Variants in GFOD1 observed in about 807,000 individuals in gnomAD.
GFOD1 encodes the protein glucose-fructose oxidoreductase domain-containing protein 1.
In GFOD1, 9 loss-of-function variants were observed where a neutral mutation model predicts 25.4. The ratio of observed to expected loss-of-function variants is 0.35; its 90% CI spans 0.21 to 0.62. The LOEUF (loss-of-function observed/expected upper bound fraction) is 0.62. Among genes scored for constraint, GFOD1 ranks in the 20% least tolerant of loss-of-function variants. GFOD1 has a pLI of 0.72. For missense variants in GFOD1, 403 were observed against 556.9 expected (o/e 0.72, Z 2.78); for synonymous variants, 253 against 245.6 (o/e 1.03, Z -0.28).
intron 1 of GFOD1, among the ~76,000 whole-genome samples, chr6:13,408,886 T>C (rs1242543850): frequency 6.6e-6 from 1 of 151,688 alleles, no homozygotes; most frequent in Non-Finnish European, 1.5e-5. Flanking sequence ...AGGAGTTTGA[T>C]ACCAGCCTGG....
chr6:13,419,490 A>G (rs1252958250), intron 1 of GFOD1, among the ~76,000 whole-genome samples: 1 of 151,842 alleles, frequency 6.6e-6, no homozygotes, highest in Non-Finnish European at 1.5e-5. Context: ...CCTTGCTTCT[A>G]TCCCTGCCGA....
chr6:13,452,351 AACC>A lies in GFOD1; in HGVS notation c.253+34284_253+34286del, dbSNP rs371170408. 2.1e-3 allele frequency among the ~76,000 whole-genome samples: 323 copies of A among 152,314 alleles called. 2 individuals carry two copies. Among genetic ancestry groups the A allele is most frequent in the African/African-American group, 6.5e-3 (271 of 41,566 alleles). ...GTAAGAAAACATGCCAGTTCTTAGGAACCACACACTTGAAGTATTTCAGACTAA... is the reference window on the plus strand; with the variant it reads ...GTAAGAAAACATGCCAGTTCTTAGGAACACACTTGAAGTATTTCAGACTAA... On this transcript the variant is annotated intron_variant, in intron 1 of 1. Transcript: ENST00000379287.
intron 1 of GFOD1, among the ~76,000 whole-genome samples, chr6:13,398,480 T>C (rs966996860): frequency 6.6e-6 from 1 of 152,250 alleles, no homozygotes; most frequent in Non-Finnish European, 1.5e-5. Flanking sequence ...TTTCACAGTA[T>C]GTAAATTTAC....
At chr6:13,391,764 C>T (rs941819254) in intron 1 of GFOD1, among the ~76,000 whole-genome samples, 1 of 152,296 alleles carries the variant, frequency 6.6e-6, no homozygotes, top group East Asian at 1.9e-4. Flanking sequence ...ATTTCCTCAT[C>T]TGTTAAATGG....
chr6:13,484,284 C>T (rs1259794039), intron 1 of GFOD1, among the ~76,000 whole-genome samples: 3 of 152,128 alleles, frequency 2.0e-5, no homozygotes, highest in South Asian at 2.1e-4. Context: ...GCTAAAAGGA[C>T]AATTTACCAG....
intron 1 of GFOD1, among the ~76,000 whole-genome samples, chr6:13,383,567 T>C (rs1393630038): frequency 2.6e-5 from 4 of 152,374 alleles, no homozygotes; most frequent in Non-Finnish European, 4.4e-5. Flanking sequence ...GAGTTCTATC[T>C]GATTCCAAGT....
At chr6:13,457,477 G>A (rs1025486209) in intron 1 of GFOD1, among the ~76,000 whole-genome samples, 8 of 152,190 alleles carry the variant, frequency 5.3e-5, no homozygotes, top group Non-Finnish European at 2.9e-5. Context: ...GGGTCCTCCT[G>A]AAGTGGTCCT....
At position 13,467,949 on chromosome 6, in the gene GFOD1, T is replaced by C. The variant is rs770221735; in HGVS notation, c.253+18689A>G. Among the ~76,000 whole-genome samples, 6 of 152,166 alleles carry C rather than the reference T, an allele frequency of 3.9e-5. No individual in the cohort carries two copies. The East Asian group carries it at 9.6e-4, about 24-fold the overall frequency. On this transcript the variant is annotated intron_variant, in intron 1 of 1. Coordinates refer to ENST00000379287, the MANE Select transcript of GFOD1 (RefSeq NM_018988.4). Reference sequence around the variant, plus strand: ...TCATTTTTGCCCTGTGAAAAACAAGTACCTGCAGCTGGGAACAGCCAGTCC... The same window carrying C: ...TCATTTTTGCCCTGTGAAAAACAAGCACCTGCAGCTGGGAACAGCCAGTCC...
At chr6:13,458,962 G>C (rs12190770) in intron 1 of GFOD1, among the ~76,000 whole-genome samples, 2 of 152,224 alleles carry the variant, frequency 1.3e-5, no homozygotes, top group African/African-American at 4.8e-5. Flanking sequence ...AGGATCCAGA[G>C]ATTTTGTCCT....
At chr6:13,403,821 A>G (rs913139218) in intron 1 of GFOD1, among the ~76,000 whole-genome samples, 3 of 152,236 alleles carry the variant, frequency 2.0e-5, no homozygotes, top group African/African-American at 7.2e-5. Context: ...AGAAAAGGCA[A>G]ATCTATAGAA....
chr6:13,448,877 C>T (rs1758049312), intron 1 of GFOD1, among the ~76,000 whole-genome samples: 1 of 152,274 alleles, frequency 6.6e-6, no homozygotes. Flanking sequence ...GGAGACAGAA[C>T]CAAAAGTCTC....
rs144408437 is a variant in GFOD1 at position 13,392,804 on chromosome 6, C to T, written c.254-27142G>A. On this transcript the variant is annotated intron_variant, in intron 1 of 1. Transcript: ENST00000379287. Reference sequence around the variant, plus strand: ...GGTGCAATGACTCACACCTATAATCCCAGCATTTTGAGAGGCCAAGGCGGG... The same window carrying T: ...GGTGCAATGACTCACACCTATAATCTCAGCATTTTGAGAGGCCAAGGCGGG... Among the ~76,000 whole-genome samples, 480 of 152,070 alleles carry T rather than the reference C, an allele frequency of 3.2e-3. 2 individuals are homozygous for T. Among genetic ancestry groups the T allele is most frequent in the African/African-American group, 0.011 (442 of 41,456 alleles).
rs1230358112 is a variant in GFOD1, at chr6:13,361,829, A to G, written c.*2914T>C. 1 of 152,182 alleles carries G rather than the reference A, an allele frequency of 6.6e-6. No homozygotes were observed. The highest frequency in any genetic ancestry group is 1.5e-5 in the Non-Finnish European group (1 of 68,030). 9.4% of individuals were successfully genotyped at this position (152,182 alleles called of 1,614,324 possible). On this transcript the variant is annotated 3_prime_UTR_variant, in exon 2 of 2. Coordinates refer to ENST00000379287, the MANE Select transcript of GFOD1 (RefSeq NM_018988.4). ...TTTTTTCATGCCTCTTTTAAAGAATATATGTTCTTTCTAATACCCCAGCTT... is the reference window on the plus strand; with the variant it reads ...TTTTTTCATGCCTCTTTTAAAGAATGTATGTTCTTTCTAATACCCCAGCTT...
intron 1 of GFOD1, among the ~76,000 whole-genome samples, chr6:13,424,985 G>T (rs1334813688): frequency 2.2e-5 from 3 of 138,750 alleles, no homozygotes; most frequent in Admixed American, 7.1e-5. Flanking sequence ...TTGAGATAGG[G>T]TCTCATCCTG....
intron 1 of GFOD1, chr6:13,470,248 C>G: frequency 6.3e-7 from 1 of 1,595,972 alleles, no homozygotes; most frequent in Non-Finnish European, 8.6e-7. Context: ...CAATTGCCGG[C>G]TCATGAAGCA....
intron 1 of GFOD1, among the ~76,000 whole-genome samples, chr6:13,407,492 A>T (rs1282715722): frequency 6.6e-6 from 1 of 152,208 alleles, no homozygotes; most frequent in East Asian, 1.9e-4. Context: ...GCTGGCACAG[A>T]GCAGCACTCC....
intron 1 of GFOD1, among the ~76,000 whole-genome samples, chr6:13,367,908 T>A (rs1785078120): frequency 6.6e-6 from 1 of 152,094 alleles, no homozygotes; most frequent in East Asian, 1.9e-4. Context: ...AATGGAGACC[T>A]GGGCACTCCA....
chr6:13,394,850 C>T (rs1785695742), intron 1 of GFOD1, among the ~76,000 whole-genome samples: 1 of 152,124 alleles, frequency 6.6e-6, no homozygotes, highest in Admixed American at 6.6e-5. Context: ...CCAGGCTGGT[C>T]TTGAACTCCT....
intron 1 of GFOD1, among the ~76,000 whole-genome samples, chr6:13,460,091 GCCACTGCACTCCA>G (rs1758265986): frequency 6.6e-6 from 1 of 152,182 alleles, no homozygotes; most frequent in East Asian, 1.9e-4. Flanking sequence ...CCGAGATCGC[GCCACTGCACTCCA>G]GCTTGGGAGA....
Sources: gnomAD v4.1 joint callset for allele counts (sites outside exome capture counted in the v4.1 genomes callset) on GRCh38, gnomAD v4.1.1 for gene constraint, MANE v1.5 for transcripts, NCBI Gene and HGNC (gene_info 2026-07-23, HGNC 2026-07-21) for gene names.